The following FBXO16 variants were observed in gnomAD, a reference collection of about 807,000 sequenced individuals.
The protein encoded by FBXO16 is F-box only protein 16.
In FBXO16, 31 loss-of-function variants were observed where a neutral mutation model predicts 41.0. The ratio of observed to expected loss-of-function variants is 0.76; its 90% CI spans 0.57 to 1.02. The LOEUF is 1.02. FBXO16 is among the 50% of genes least tolerant of loss of function. FBXO16 has a pLI of 0.00. For synonymous variants in FBXO16, 133 were observed against 117.8 expected, an observed-to-expected ratio of 1.13 and a Z score of -0.84; for missense variants, 361 against 346.2, an observed-to-expected ratio of 1.04 and a Z score of -0.34.
At chr8:28,448,424 G>T (rs1802902004) in intron 6 of FBXO16, among the ~76,000 whole-genome samples, 1 of 150,452 alleles carries the variant, frequency 6.6e-6, no homozygotes, top group Non-Finnish European at 1.5e-5. Flanking sequence ...CCAAAAGTTA[G>T]ATTTCTCCAA....
intron 1 of FBXO16, among the ~76,000 whole-genome samples, chr8:28,486,670 A>G (rs1004035803): frequency 2.6e-5 from 4 of 151,582 alleles, no homozygotes; most frequent in South Asian, 4.2e-4. Flanking sequence ...AAAGTAAAAA[A>G]ACCAAAAAAT....
chr8:28,436,166 C>T (rs1344045249), intron 7 of FBXO16, among the ~76,000 whole-genome samples: 1 of 152,112 alleles, frequency 6.6e-6, no homozygotes, highest in East Asian at 1.9e-4. Flanking sequence ...TAGTCCCAGT[C>T]CCAGCTTCAT....
At chr8:28,436,900 C>T (rs1162369961) in intron 7 of FBXO16, among the ~76,000 whole-genome samples, 1 of 152,138 alleles carries the variant, frequency 6.6e-6, no homozygotes, top group South Asian at 2.1e-4. Context: ...CACAGGTGTG[C>T]ACCACCATAC....
At chr8:28,431,480 T>A (rs1802605306) in intron 7 of FBXO16, among the ~76,000 whole-genome samples, 1 of 152,254 alleles carries the variant, frequency 6.6e-6, no homozygotes, top group African/African-American at 2.4e-5. Flanking sequence ...AGCACCTGAC[T>A]ATCTGGCTGA....
chr8:28,466,264 G>A (rs1474967570), intron 3 of FBXO16, among the ~76,000 whole-genome samples: 3 of 152,012 alleles, frequency 2.0e-5, no homozygotes, highest in Non-Finnish European at 4.4e-5. Context: ...AAAAACAGTA[G>A]AATAACAGTA....
intron 7 of FBXO16, among the ~76,000 whole-genome samples, chr8:28,432,257 TG>T (rs1472568324): frequency 1.3e-5 from 2 of 151,846 alleles, no homozygotes; most frequent in African/African-American, 4.8e-5. Flanking sequence ...GCGGATCACC[TG>T]AGGTCAGGAG....
At chr8:28,471,644 AGTTT>A (rs1305105406) in intron 3 of FBXO16, among the ~76,000 whole-genome samples, 3 of 152,130 alleles carry the variant, frequency 2.0e-5, no homozygotes, top group East Asian at 3.9e-4. Flanking sequence ...TTAAGGAATA[AGTTT>A]GTTTGGGGAA....
At chr8:28,461,703 G>A (rs1373314070) in intron 4 of FBXO16, among the ~76,000 whole-genome samples, 1 of 151,952 alleles carries the variant, frequency 6.6e-6, no homozygotes, top group Non-Finnish European at 1.5e-5. Flanking sequence ...AATTTTTATA[G>A]TCACAATTTA....
intron 1 of FBXO16, among the ~76,000 whole-genome samples, chr8:28,485,491 A>G (rs1803587981): frequency 6.6e-6 from 1 of 152,080 alleles, no homozygotes; most frequent in Non-Finnish European, 1.5e-5. Flanking sequence ...TTTTTTTTTA[A>G]TCATTATATT....
Position 28,463,797 on chromosome 8 carries a change from G to A in FBXO16, c.157C>T (p.Gln53Ter), listed in dbSNP as rs149083541. 233 of 1,613,720 alleles carry A rather than the reference G, an allele frequency of 1.4e-4. No individual in the cohort carries two copies. Among genetic ancestry groups the A allele is most frequent in the Non-Finnish European group, 1.8e-4 (209 of 1,179,916 alleles). ...GKWFDKWTDS[Q>*]RRRILTGLLE... ...AGGCCTGTGAGGATTCTTCTTCTTT[G>A]AGAGTCTGTCCATTTGTCAAACTGG... Residue 53 changes from glutamine to a stop codon, truncating the protein, a stop_gained, in exon 4 of 9, where the codon CAA becomes TAA. Coordinates refer to ENST00000380254, the MANE Select transcript of FBXO16 (RefSeq NM_172366.4). LOFTEE classifies it high-confidence loss of function.
chr8:28,446,640 GGCAGGTGGAT>G (rs2130113099), intron 7 of FBXO16, among the ~76,000 whole-genome samples: 1 of 151,960 alleles, frequency 6.6e-6, no homozygotes, highest in Non-Finnish European at 1.5e-5. Flanking sequence ...GGGAGGCCGA[GGCAGGTGGAT>G]CACCTGAGGT....
At chr8:28,489,566 G>C (rs1391633617) in intron 1 of FBXO16, among the ~76,000 whole-genome samples, 2 of 151,740 alleles carry the variant, frequency 1.3e-5, no homozygotes, top group African/African-American at 2.4e-5. Flanking sequence ...TGGGTGTGGC[G>C]GTGGGCTCCT....
intron 3 of FBXO16, among the ~76,000 whole-genome samples, chr8:28,472,636 G>T (rs986219718): frequency 1.3e-5 from 2 of 152,168 alleles, no homozygotes; most frequent in African/African-American, 4.8e-5. Context: ...CAGCTACTCA[G>T]GAGGCTGAGG....
rs748540040 is a variant in FBXO16, at chr8:28,455,699, C to T, written c.507+1067G>A. On this transcript the variant is annotated intron_variant, in intron 5 of 8. Coordinates refer to ENST00000380254, the MANE Select transcript of FBXO16 (RefSeq NM_172366.4). ...CTCACTAGGAAAGGAGTCAGAGCTA[C>T]GGGAATTTTCAAGAGAACTTTAAAA... is the stretch of plus-strand genomic sequence containing the variant. 5.3e-5 allele frequency: 8 copies of T among 152,200 alleles called. No individual in the cohort carries two copies. In the East Asian group the frequency reaches 1.2e-3, roughly 22 times the overall value. 9.4% of individuals were successfully genotyped at this position (152,200 alleles called of 1,614,324 possible).
intron 3 of FBXO16, among the ~76,000 whole-genome samples, chr8:28,471,774 T>G (rs1355333795): frequency 8.2e-6 from 1 of 122,654 alleles, no homozygotes; most frequent in East Asian, 2.7e-4. Flanking sequence ...CTCCATAGAT[T>G]ACTCTCTTGA....
At chr8:28,473,703 T>C in intron 3 of FBXO16, 69 bp downstream of exon 3, 1 of 1,363,728 alleles carries the variant, frequency 7.3e-7, no homozygotes, top group African/African-American at 1.5e-5. Flanking sequence ...TCTGATTTTT[T>C]AATAGCAGCC....
At chr8:28,456,721 A>G in intron 5 of FBXO16, 45 bp downstream of exon 5, 1 of 1,599,814 alleles carries the variant, frequency 6.3e-7, no homozygotes, top group Non-Finnish European at 8.5e-7. Context: ...AGAATTTGCA[A>G]AGAGCCAATG....
intron 3 of FBXO16, among the ~76,000 whole-genome samples, chr8:28,467,838 A>C (rs978425673): frequency 6.6e-6 from 1 of 152,190 alleles, no homozygotes; most frequent in African/African-American, 2.4e-5. Context: ...TTCCTCATTT[A>C]TTTCCCTGAT....
chr8:28,469,205 C>T (rs1011167998), intron 3 of FBXO16, among the ~76,000 whole-genome samples: 2 of 151,622 alleles, frequency 1.3e-5, no homozygotes, highest in South Asian at 2.1e-4. Flanking sequence ...CCCAGCTACT[C>T]GGGAGGCTGA....
Sources: gnomAD v4.1 joint callset for allele counts (sites outside exome capture counted in the v4.1 genomes callset) on GRCh38, gnomAD v4.1.1 for gene constraint, MANE v1.5 for transcripts, NCBI Gene and HGNC (gene_info 2026-07-23, HGNC 2026-07-21) for gene names.